ABI3BP: variants seen among roughly 807,000 people sequenced by gnomAD.
ABI3BP encodes the protein ABI family member 3 binding protein, also known as target of Nesh-SH3.
A neutral mutation model predicts 268.6 loss-of-function variants in ABI3BP; 216 were observed. The observed-to-expected ratio is 0.80, with a 90% CI of 0.72 to 0.90. The LOEUF is 0.90. ABI3BP is among the 40% of genes least tolerant of loss of function. ABI3BP has a pLI of 0.00. For synonymous variants in ABI3BP, 730 were observed against 730.0 expected (o/e 1.00, Z 0.00); for missense variants, 2,090 against 2,182.4 (o/e 0.96, Z 0.84).
chr3:100,805,665 C>G (rs2097686758), intron 50 of ABI3BP, among the ~76,000 whole-genome samples: 1 of 151,846 alleles, frequency 6.6e-6, no homozygotes, highest in Non-Finnish European at 1.5e-5. Flanking sequence ...TATTAAGTAC[C>G]AGAGTCAGGA....
At chr3:100,816,617 A>G in intron 43 of ABI3BP, 71 bp downstream of exon 43, 2 of 1,220,252 alleles carry the variant, frequency 1.6e-6, no homozygotes, top group South Asian at 1.3e-5. Context: ...GCATTTCTTT[A>G]GGACTTTATT....
intron 6 of ABI3BP, among the ~76,000 whole-genome samples, chr3:100,881,828 T>A (rs73864019): frequency 2.2e-4 from 33 of 152,234 alleles, no homozygotes; most frequent in African/African-American, 7.5e-4. Context: ...AGGAGCAATA[T>A]TGAAAACATT....
At position 100,850,720 on chromosome 3, in the gene ABI3BP, T is replaced by A. The variant is rs745943625; in HGVS notation, c.1366A>T (p.Ile456Phe). The A allele has an allele frequency of 1.9e-6, 3 of 1,612,734 alleles. No individual in the cohort carries two copies. The highest frequency in any genetic ancestry group is 3.3e-5 in the Admixed American group (2 of 59,996). The part of the protein sequence containing the change: ...SDSYTATSDR[I>F]LDSIPPKTSR... ...GTTTTAGGTGGGATAGAATCCAGAA[T>A]ACGATCACTTGTTGCTGTTGGAATA... Residue 456 changes from isoleucine (I) to phenylalanine (F), a missense_variant, in exon 16 of 68, where the codon ATT becomes TTT. Ile to Phe is a conservative substitution (Grantham distance 21). Coordinates refer to ENST00000471714, the MANE Select transcript of ABI3BP (RefSeq NM_001375547.2).
At chr3:100,780,021 T>C (rs369037043) in intron 58 of ABI3BP, 111 bp downstream of exon 58, 2 of 890,972 alleles carry the variant, frequency 2.2e-6, no homozygotes. Context: ...GTGGTTCTGA[T>C]ACTTCGGGGG....
intron 1 of ABI3BP, among the ~76,000 whole-genome samples, chr3:100,980,976 A>G (rs1472754586): frequency 6.6e-6 from 1 of 152,252 alleles, no homozygotes; most frequent in Non-Finnish European, 1.5e-5. Context: ...ACAAAAGAAC[A>G]CTATAATGTC....
intron 29 of ABI3BP, 85 bp downstream of exon 29, chr3:100,834,599 G>T: frequency 7.8e-7 from 1 of 1,281,036 alleles, no homozygotes; most frequent in Non-Finnish European, 1.1e-6. Context: ...AGGGTCAAGT[G>T]GGTTATAAAG....
chr3:100,799,925 T>C (rs1271038504), intron 51 of ABI3BP, among the ~76,000 whole-genome samples: 1 of 152,166 alleles, frequency 6.6e-6, no homozygotes, highest in Non-Finnish European at 1.5e-5. Flanking sequence ...CCACTCAAAG[T>C]CCTACTGGTC....
intron 63 of ABI3BP, among the ~76,000 whole-genome samples, 163 bp downstream of exon 63, chr3:100,765,678 A>C (rs902672776): frequency 6.6e-6 from 1 of 152,204 alleles, no homozygotes; most frequent in Non-Finnish European, 1.5e-5. Flanking sequence ...TATTTGCAAA[A>C]CATGACTCCA....
At chr3:100,763,332 A>C (rs2096077498) in intron 63 of ABI3BP, among the ~76,000 whole-genome samples, 1 of 151,800 alleles carries the variant, frequency 6.6e-6, no homozygotes, top group African/African-American at 2.4e-5. Flanking sequence ...GTGTGGTGGT[A>C]GGTGCCCGTA....
intron 44 of ABI3BP, among the ~76,000 whole-genome samples, chr3:100,814,685 T>C (rs2097964157): frequency 6.6e-6 from 1 of 152,160 alleles, no homozygotes; most frequent in Non-Finnish European, 1.5e-5. Context: ...CTACCTCTGT[T>C]CCTTATTCCA....
In ABI3BP at chr3:100,886,296, C is replaced by T. The variant is rs1222535482; in HGVS notation, c.489G>A (p.Lys163=). 1 of 1,602,752 alleles carries T rather than the reference C, an allele frequency of 6.2e-7. No individual in the cohort carries two copies. Among genetic ancestry groups the T allele is most frequent in the Admixed American group, 1.7e-5 (1 of 58,374 alleles). Residue 163 remains lysine (K), a synonymous_variant, in exon 5 of 68, where the codon AAG becomes AAA. Transcript: ENST00000471714. The part of the protein sequence containing the change: ...DRFYTIRYRE[K]DKEKKWIFQI... ...GAAAAATCCACTTCTTTTCTTTATC[C>T]TTTTCTCGATAGCGAATTGTATAAA...
At chr3:100,867,769 T>C (rs905885033) in intron 9 of ABI3BP, among the ~76,000 whole-genome samples, 2 of 152,112 alleles carry the variant, frequency 1.3e-5, no homozygotes, top group African/African-American at 4.8e-5. Context: ...TGAAAATATT[T>C]GTGGCAAAAA....
Position 100,804,664 on chromosome 3 carries a change from C to T in ABI3BP, c.3757+128G>A, listed in dbSNP as rs2097650163. On this transcript the variant is annotated intron_variant, in intron 51 of 67. Transcript: ENST00000471714. ...TGAAACTTCTGAAATTATCATACCA[C>T]ATATGATACAACATGGGATTTAAAC... 11 of 812,606 alleles carry T rather than the reference C, an allele frequency of 1.4e-5. No individual in the cohort carries two copies. The South Asian group carries it at 1.8e-4, about 13-fold the overall frequency. 50.3% of individuals were successfully genotyped at this position (812,606 alleles called of 1,614,324 possible).
rs375317633 is a variant in ABI3BP at position 100,902,617 on chromosome 3, C to T, written c.328+1G>A. 2 of 1,613,640 alleles carry T rather than the reference C, an allele frequency of 1.2e-6. No individual in the cohort carries two copies. The highest frequency in any genetic ancestry group is 1.7e-6 in the Non-Finnish European group (2 of 1,179,718). ...AAAGAATTCAATGCAAAGGACTATA[C>T]CTGAACATGACTTCTTTTGACTTGG... On this transcript the variant is annotated splice_donor_variant, in intron 3 of 67. Coordinates refer to ENST00000471714, the MANE Select transcript of ABI3BP (RefSeq NM_001375547.2). LOFTEE classifies it high-confidence loss of function.
At chr3:100,881,261 G>C (rs189282482) in intron 6 of ABI3BP, among the ~76,000 whole-genome samples, 368 of 152,258 alleles carry the variant, frequency 2.4e-3, no homozygotes, top group African/African-American at 8.6e-3. Context: ...CAGTCATAAA[G>C]TGTGGGTGGG....
At chr3:100,758,561 C>G (rs9828249) in intron 63 of ABI3BP, among the ~76,000 whole-genome samples, 6,043 of 152,078 alleles carry the variant, frequency 0.04, 401 homozygotes, top group African/African-American at 0.14. Flanking sequence ...GTATAGCCCA[C>G]GGGTTATTGG....
At chr3:100,783,240 C>G (rs1271132046) in intron 57 of ABI3BP, among the ~76,000 whole-genome samples, 1 of 152,128 alleles carries the variant, frequency 6.6e-6, no homozygotes, top group Non-Finnish European at 1.5e-5. Flanking sequence ...AGCCAGCAGG[C>G]TGGAAGATTT....
At chr3:100,766,041 A>G (rs1230413277) in intron 62 of ABI3BP, 92 bp from the exon 63 acceptor site, 3 of 888,206 alleles carry the variant, frequency 3.4e-6, no homozygotes, top group Non-Finnish European at 5.3e-6. Context: ...AGCCACTTAC[A>G]TAAAGTAAGC....
At chr3:100,753,754 A>G in intron 65 of ABI3BP, 65 bp downstream of exon 65, 1 of 1,556,206 alleles carries the variant, frequency 6.4e-7, no homozygotes, top group South Asian at 1.2e-5. Flanking sequence ...AGATTCTGCC[A>G]TGCCTGTTCA....
Sources: gnomAD v4.1 joint callset for allele counts (sites outside exome capture counted in the v4.1 genomes callset) on GRCh38, gnomAD v4.1.1 for gene constraint, MANE v1.5 for transcripts, NCBI Gene and HGNC (gene_info 2026-07-23, HGNC 2026-07-21) for gene names.